Variants in KCNAB1 observed in about 807,000 individuals in gnomAD.
KCNAB1 encodes voltage-gated potassium channel subunit beta-1.
A neutral mutation model predicts 64.6 loss-of-function variants in KCNAB1; 35 were observed. The observed-to-expected ratio is 0.54, with a 90% confidence interval of 0.41 to 0.72. The LOEUF (loss-of-function observed/expected upper bound fraction) is 0.72. Among genes scored for constraint, KCNAB1 ranks in the 30% least tolerant of loss-of-function variants. The pLI, the probability that KCNAB1 is intolerant of heterozygous loss-of-function variation, is 0.00. For synonymous variants in KCNAB1, 177 were observed against 183.8 expected (o/e 0.96, Z 0.30); for missense variants, 401 against 512.9 (o/e 0.78, Z 2.11).
chr3:156,497,614 A>G (rs1028886743), intron 8 of KCNAB1, among the ~76,000 whole-genome samples: 1 of 152,260 alleles, frequency 6.6e-6, no homozygotes, highest in Non-Finnish European at 1.5e-5. Context: ...CATTTACACA[A>G]TTTAAAAGAT....
At chr3:156,135,443 A>G (rs1714284599) in intron 1 of KCNAB1, among the ~76,000 whole-genome samples, 1 of 152,212 alleles carries the variant, frequency 6.6e-6, no homozygotes, top group Non-Finnish European at 1.5e-5. Flanking sequence ...CTTGCACTTT[A>G]TTCCAGTCCT....
chr3:156,383,499 C>A (rs1248350519), intron 1 of KCNAB1, among the ~76,000 whole-genome samples: 1 of 152,062 alleles, frequency 6.6e-6, no homozygotes, highest in Non-Finnish European at 1.5e-5. Flanking sequence ...CAGAATTATC[C>A]CAGTTTTGCA....
intron 1 of KCNAB1, among the ~76,000 whole-genome samples, chr3:156,215,139 G>A (rs1715236171): frequency 6.6e-6 from 1 of 152,170 alleles, no homozygotes; most frequent in African/African-American, 2.4e-5. Context: ...TAACAATTCT[G>A]AGAAGTAGGG....
chr3:156,277,881 C>T (rs1719436326), intron 1 of KCNAB1, among the ~76,000 whole-genome samples: 1 of 152,110 alleles, frequency 6.6e-6, no homozygotes. Context: ...ACAAGAGTTC[C>T]CACATCCTTG....
intron 5 of KCNAB1, 67 bp downstream of exon 5, chr3:156,459,938 A>C: frequency 8.7e-7 from 1 of 1,146,812 alleles, no homozygotes; most frequent in Non-Finnish European, 1.3e-6. Flanking sequence ...AGGAAAAATA[A>C]AATTATATGA....
chr3:156,202,352 C>T (rs1714388594), intron 1 of KCNAB1, among the ~76,000 whole-genome samples: 1 of 152,196 alleles, frequency 6.6e-6, no homozygotes, highest in Non-Finnish European at 1.5e-5. Context: ...GGGCCAGGAA[C>T]AAGTCTTGGG....
At chr3:156,127,401 A>T (rs963111151) in intron 1 of KCNAB1, among the ~76,000 whole-genome samples, 3 of 152,194 alleles carry the variant, frequency 2.0e-5, no homozygotes, top group African/African-American at 7.2e-5. Flanking sequence ...AGTCACATAG[A>T]AGTATTATTT....
chr3:156,228,584 T>C (rs1306594907), intron 1 of KCNAB1, among the ~76,000 whole-genome samples: 1 of 152,180 alleles, frequency 6.6e-6, no homozygotes, highest in Non-Finnish European at 1.5e-5. Flanking sequence ...GTGCTAGAGC[T>C]TGGAGGTGGG....
intron 13 of KCNAB1, 32 bp downstream of exon 13, chr3:156,531,529 A>G: frequency 6.8e-7 from 1 of 1,473,890 alleles, no homozygotes; most frequent in Non-Finnish European, 9.5e-7. Flanking sequence ...AACATCAGGG[A>G]ATTTAATGGT....
intron 5 of KCNAB1, among the ~76,000 whole-genome samples, chr3:156,461,435 A>T (rs551695886): frequency 6.6e-6 from 1 of 152,302 alleles, no homozygotes; most frequent in African/African-American, 2.4e-5. Context: ...TCTGATAAAG[A>T]CACCAGTCAT....
chr3:156,167,069 A>G (rs979939059), intron 1 of KCNAB1, among the ~76,000 whole-genome samples: 14 of 152,190 alleles, frequency 9.2e-5, no homozygotes, highest in Non-Finnish European at 1.8e-4. Flanking sequence ...GACAGAGTCC[A>G]TGGGACCCCA....
chr3:156,256,406 T>C (rs1010113049), intron 1 of KCNAB1, among the ~76,000 whole-genome samples: 2 of 152,246 alleles, frequency 1.3e-5, no homozygotes, highest in Non-Finnish European at 2.9e-5. Flanking sequence ...CCAGCATTTA[T>C]GGCTGATGCC....
chr3:156,339,303 T>G (rs1309798779), intron 1 of KCNAB1, among the ~76,000 whole-genome samples: 1 of 152,214 alleles, frequency 6.6e-6, no homozygotes, highest in Non-Finnish European at 1.5e-5. Flanking sequence ...GAATAAAGTT[T>G]GCAGCAGTAA....
At chr3:156,284,698 G>A (rs1274363560) in intron 1 of KCNAB1, among the ~76,000 whole-genome samples, 1 of 152,242 alleles carries the variant, frequency 6.6e-6, no homozygotes, top group East Asian at 1.9e-4. Flanking sequence ...CGTCGGAAAA[G>A]TGCAGTATTC....
At chr3:156,310,700 A>G (rs1316630576) in intron 1 of KCNAB1, among the ~76,000 whole-genome samples, 1 of 152,158 alleles carries the variant, frequency 6.6e-6, no homozygotes, top group Non-Finnish European at 1.5e-5. Flanking sequence ...GCTACTCGGG[A>G]GGCTGAGGCA....
chr3:156,299,965 G>T (rs549654325), intron 1 of KCNAB1, among the ~76,000 whole-genome samples: 21 of 152,162 alleles, frequency 1.4e-4, no homozygotes, highest in Non-Finnish European at 3.1e-4. Context: ...TAAGGTGAGG[G>T]TTTTCAGAAT....
chr3:156,357,159 G>GCACACACACA (rs112441885), intron 1 of KCNAB1, among the ~76,000 whole-genome samples: 2 of 147,314 alleles, frequency 1.4e-5, no homozygotes, highest in Non-Finnish European at 3.0e-5. Context: ...ACATGTGCGC[G>GCACACACACA]CACACACACA....
intron 1 of KCNAB1, chr3:156,143,433 G>A (rs754859991): frequency 5.9e-6 from 9 of 1,533,624 alleles, no homozygotes; most frequent in Non-Finnish European, 7.9e-6. Context: ...ACTGCTGATT[G>A]CAAAGTCATC....
intron 1 of KCNAB1, among the ~76,000 whole-genome samples, chr3:156,421,144 G>T (rs944982570): frequency 2.0e-5 from 3 of 152,094 alleles, no homozygotes; most frequent in Non-Finnish European, 2.9e-5. Flanking sequence ...TATTTATTAA[G>T]GCTCTACTTA....
Sources: allele counts gnomAD v4.1 joint callset (sites outside exome capture counted in the v4.1 genomes callset), GRCh38; gene constraint gnomAD v4.1.1; transcripts MANE v1.5; gene names NCBI Gene and HGNC (gene_info 2026-07-23, HGNC 2026-07-21).